Variants in TJP1 observed in about 807,000 individuals in gnomAD.
TJP1 encodes tight junction protein ZO-1.
Under a neutral mutation model 194.2 loss-of-function variants are expected in TJP1, and 43 were observed. That is an observed-to-expected ratio of 0.22 (90% CI 0.17 to 0.29). TJP1 has a LOEUF of 0.29. Among genes scored for constraint, TJP1 ranks in the 10% least tolerant of loss-of-function variants. The probability of loss-of-function intolerance (pLI) is 1.00; values close to 1 mark genes in which losing one functional copy is unlikely to be tolerated. For missense variants in TJP1, 1,971 were observed against 2,185.7 expected (o/e 0.90, Z 1.96); for synonymous variants, 801 against 779.0 (o/e 1.03, Z -0.47).
chr15:29,764,618 G>C (rs1338981804), intron 5 of TJP1, among the ~76,000 whole-genome samples: 1 of 152,058 alleles, frequency 6.6e-6, no homozygotes, highest in Non-Finnish European at 1.5e-5. Context: ...CAGGAGTGAG[G>C]ACATTCATCA....
Position 29,801,461 on chromosome 15 carries a change from TTA to T in TJP1, c.28-761_28-760del, listed in dbSNP as rs1314847627. On this transcript the variant is annotated intron_variant, in intron 1 of 27. Transcript: ENST00000614355. ...TCTCAATAGAGAGGAAAATAAATTA[TTA>T]TTTTTTTTTTTTTTTTGAGACGGAG... Among the ~76,000 whole-genome samples the T allele has an allele frequency of 8.4e-4, 84 of 99,600 alleles. 1 individual carries two copies. The South Asian group carries it at 0.027, about 32-fold the overall frequency. The allele number at this position is 99,600 out of a possible 152,430, so 65.3% of individuals were successfully genotyped here.
chr15:29,833,881 A>ATATATATATATATATATTTTTTT (rs1555434000), intron 2 of TJP1, among the ~76,000 whole-genome samples: 1 of 12,614 alleles, frequency 7.9e-5, no homozygotes, highest in Non-Finnish European at 1.4e-4. Context: ...ATATATATAT[A>ATATATATATATATATATTTTTTT]TTTTTTTTTT....
At chr15:29,893,612 G>C (rs1181962245) in intron 2 of TJP1, among the ~76,000 whole-genome samples, 1 of 152,100 alleles carries the variant, frequency 6.6e-6, no homozygotes, top group East Asian at 1.9e-4. Context: ...CCTTCCACAA[G>C]CAACAGGATT....
intron 10 of TJP1, among the ~76,000 whole-genome samples, chr15:29,739,921 T>C (rs1389340422): frequency 6.6e-6 from 1 of 152,144 alleles, no homozygotes; most frequent in Non-Finnish European, 1.5e-5. Context: ...AAAAACCCCA[T>C]CTCTTTCAGG....
chr15:29,780,840 A>G (rs543129152), intron 2 of TJP1, among the ~76,000 whole-genome samples: 5 of 152,196 alleles, frequency 3.3e-5, no homozygotes, highest in Non-Finnish European at 7.3e-5. Flanking sequence ...AAAAAGTAAA[A>G]AAGAAATCAA....
chr15:29,794,608 C>G (rs774308373), intron 2 of TJP1, among the ~76,000 whole-genome samples: 34 of 152,230 alleles, frequency 2.2e-4, no homozygotes, highest in Non-Finnish European at 4.4e-4. Context: ...AGGTCTGTGG[C>G]AAATACATTT....
chr15:29,787,291 A>G (rs923369525), intron 2 of TJP1, among the ~76,000 whole-genome samples: 1 of 152,338 alleles, frequency 6.6e-6, no homozygotes, highest in East Asian at 1.9e-4. Context: ...ATCTACAAAA[A>G]TTAAGTTTAA....
intron 8 of TJP1, among the ~76,000 whole-genome samples, chr15:29,746,141 G>A (rs1423774388): frequency 6.6e-6 from 1 of 152,224 alleles, no homozygotes; most frequent in Non-Finnish European, 1.5e-5. Context: ...CACTTTGGGA[G>A]GCTGAGGCGG....
chr15:29,871,476 T>C (rs1719009), intron 2 of TJP1, among the ~76,000 whole-genome samples: 20,985 of 152,270 alleles, frequency 0.14, 1,818 homozygotes, highest in East Asian at 0.22. Context: ...AGCGAAGCCA[T>C]TGGCTTTCTG....
At chr15:29,754,731 T>C (rs1356132042) in intron 8 of TJP1, among the ~76,000 whole-genome samples, 1 of 152,216 alleles carries the variant, frequency 6.6e-6, no homozygotes, top group African/African-American at 2.4e-5. Context: ...TGGTTACCCA[T>C]TGAGCAGCCC....
chr15:29,872,638 G>A (rs190008966), intron 2 of TJP1, among the ~76,000 whole-genome samples: 3 of 107,892 alleles, frequency 2.8e-5, no homozygotes, highest in East Asian at 2.6e-4. Flanking sequence ...AGCTTTAAGC[G>A]AAACGATGGA....
chr15:29,826,251 T>G (rs1567110171), upstream of TJP1, among the ~76,000 whole-genome samples: 1 of 152,154 alleles, frequency 6.6e-6, no homozygotes, highest in Non-Finnish European at 1.5e-5. Flanking sequence ...GGGGCTACCC[T>G]TACCTCTGAC....
intron 2 of TJP1, among the ~76,000 whole-genome samples, chr15:29,839,273 C>T (rs1447430588): frequency 6.6e-6 from 1 of 152,084 alleles, no homozygotes; most frequent in East Asian, 1.9e-4. Flanking sequence ...GCTGGGATTA[C>T]AGGTGTGAGC....
At chr15:29,749,726 G>A (rs1054953749) in intron 8 of TJP1, among the ~76,000 whole-genome samples, 3 of 152,190 alleles carry the variant, frequency 2.0e-5, no homozygotes, top group Non-Finnish European at 4.4e-5. Context: ...AGTGAGCACC[G>A]TTGTTCCCTT....
At chr15:29,892,376 TGCA>T (rs2053340702) in intron 2 of TJP1, among the ~76,000 whole-genome samples, 1 of 152,250 alleles carries the variant, frequency 6.6e-6, no homozygotes, top group African/African-American at 2.4e-5. Context: ...ATGCAGAAGC[TGCA>T]GCAAGTTATC....
At chr15:29,853,044 C>A (rs2051706280) in intron 2 of TJP1, among the ~76,000 whole-genome samples, 1 of 152,144 alleles carries the variant, frequency 6.6e-6, no homozygotes, top group South Asian at 2.1e-4. Flanking sequence ...GGTATTCACC[C>A]CATGGAATAT....
rs754108872 is a variant in TJP1, at chr15:29,716,663, C to T, written c.4150G>A (p.Ala1384Thr). The T allele has an allele frequency of 6.8e-6, 11 of 1,613,690 alleles. No homozygotes were observed. The African/African-American group carries it at 1.5e-4, about 22-fold the overall frequency. Residue 1384 changes from alanine (A) to threonine (T), a missense_variant, in exon 23 of 28, where the codon GCA becomes ACA. Transcript: ENST00000614355. ...HIAASHLSEP[A>T]KPAHSQNQSN... ...TGATTCTGAGAATGCGCTGGCTTTG[C>T]AGGCTCGGAGAGATGGCTGGCGGCA...
chr15:29,707,406 C>G (rs1476617987), intron 25 of TJP1, among the ~76,000 whole-genome samples: 1 of 152,182 alleles, frequency 6.6e-6, no homozygotes, highest in Non-Finnish European at 1.5e-5. Context: ...ATCAAGGGAG[C>G]AGAGCGCAGC....
chr15:29,762,417 C>T lies in TJP1; in HGVS notation c.611G>A (p.Ser204Asn), dbSNP rs1469030676. The change falls in exon 6 of 28, where the codon AGC becomes AAC. Residue 204 changes from serine to asparagine, a missense_variant. Coordinates refer to ENST00000614355, the MANE Select transcript of TJP1 (RefSeq NM_001330239.4). ...KNEEYGLRLA[S>N]HIFVKEISQD... ...TGAAATTTCCTTAACAAATATATGGCTTGCCAATCGAAGACCATATTCTGA... is the reference window on the plus strand; with the variant it reads ...TGAAATTTCCTTAACAAATATATGGTTTGCCAATCGAAGACCATATTCTGA... 1 of 1,613,352 alleles carries T rather than the reference C, an allele frequency of 6.2e-7. No homozygotes were observed. The highest frequency in any genetic ancestry group is 8.5e-7 in the Non-Finnish European group (1 of 1,179,824).
Sources: allele counts gnomAD v4.1 joint callset (sites outside exome capture counted in the v4.1 genomes callset), GRCh38; gene constraint gnomAD v4.1.1; transcripts MANE v1.5; gene names NCBI Gene and HGNC (gene_info 2026-07-23, HGNC 2026-07-21).